Variants in ITGAL observed in about 807,000 individuals in gnomAD.
ITGAL encodes integrin subunit alpha L.
A neutral mutation model predicts 138.4 loss-of-function variants in ITGAL; 68 were observed. The ratio of observed to expected loss-of-function variants is 0.49; its 90% CI spans 0.40 to 0.60. The LOEUF is 0.60. Ranked by LOEUF, ITGAL falls within the 20% of genes least tolerant of loss-of-function variation. ITGAL has a pLI of 0.00. For missense variants in ITGAL, 1,256 were observed against 1,478.6 expected, an observed-to-expected ratio of 0.85 and a Z score of 2.47; for synonymous variants, 561 against 584.3, an observed-to-expected ratio of 0.96 and a Z score of 0.57.
At chr16:30,475,779 A>G (rs1049791639) in intron 4 of ITGAL, among the ~76,000 whole-genome samples, 199 bp downstream of exon 4, 21 of 77,908 alleles carry the variant, frequency 2.7e-4, no homozygotes, top group African/African-American at 9.3e-4. Context: ...GTCTCATTCT[A>G]TTATTCTATT....
intron 17 of ITGAL, 59 bp downstream of exon 17, chr16:30,499,548 C>T (rs1333626738): frequency 4.5e-6 from 7 of 1,554,130 alleles, no homozygotes; most frequent in East Asian, 4.5e-5. Flanking sequence ...GGCTCAGCTC[C>T]GTCACTGTCC....
intron 9 of ITGAL, 45 bp from the exon 10 acceptor site, chr16:30,489,037 A>G (rs763345425): frequency 2.0e-6 from 3 of 1,535,612 alleles, no homozygotes; most frequent in Non-Finnish European, 2.7e-6. Context: ...TTTTCACTGC[A>G]TTTACTGCTG....
chr16:30,518,747 G>A (rs773059453), intron 29 of ITGAL, 28 bp downstream of exon 29: 11 of 1,552,254 alleles, frequency 7.1e-6, no homozygotes, highest in Non-Finnish European at 9.8e-6. Context: ...GAAGCCCCAG[G>A]AACAGGCAAC....
chr16:30,503,953 T>C (rs2151165323), intron 17 of ITGAL: 1 of 427,330 alleles, frequency 2.3e-6, no homozygotes, highest in Admixed American at 3.9e-5. Flanking sequence ...TAGTGATGTC[T>C]GCTGGGGAAC....
In ITGAL at chr16:30,494,190, A is replaced by G. The variant is rs752392577; in HGVS notation, c.1214-22A>G. The G allele has an allele frequency of 1.9e-6, 3 of 1,566,246 alleles. No individual in the cohort carries two copies. Among genetic ancestry groups the G allele is most frequent in the Non-Finnish European group, 2.6e-6 (3 of 1,147,116 alleles). On this transcript the variant is annotated intron_variant, in intron 11 of 30. Coordinates refer to ENST00000356798, the MANE Select transcript of ITGAL (RefSeq NM_002209.3). This position sits in a 1 kb window ranked among gnomAD's most constrained non-coding sequence, Gnocchi z 4.2. The stretch of plus-strand genomic sequence containing the variant: ...TCCAGCATCCTGTGTTCCTAACTCC[A>G]CACCCCACACACTTTCCTCAGGTTA...
intron 11 of ITGAL, among the ~76,000 whole-genome samples, chr16:30,489,713 A>T (rs1258353078): frequency 6.6e-6 from 1 of 152,120 alleles, no homozygotes; most frequent in Non-Finnish European, 1.5e-5. Flanking sequence ...AGGCAGGTGG[A>T]TCACCTGAAG....
chr16:30,484,075 T>TG, intron 8 of ITGAL, 38 bp from the exon 9 acceptor site: 1 of 1,603,980 alleles, frequency 6.2e-7, no homozygotes, highest in Non-Finnish European at 8.5e-7. Flanking sequence ...GACTGAGGTT[T>TG]GGGGGATTTC....
At chr16:30,505,612 T>C in intron 20 of ITGAL, 150 bp downstream of exon 20, 2 of 656,072 alleles carry the variant, frequency 3.0e-6, no homozygotes, top group Non-Finnish European at 5.4e-6. Context: ...ACTCAGGGGC[T>C]CATGCCTATA....
chr16:30,497,127 G>C (rs573060752), intron 15 of ITGAL, among the ~76,000 whole-genome samples: 1 of 152,080 alleles, frequency 6.6e-6, no homozygotes, highest in Non-Finnish European at 1.5e-5. Flanking sequence ...GGCGGATCAC[G>C]AGGTCAGGAG....
intron 25 of ITGAL, among the ~76,000 whole-genome samples, chr16:30,515,908 G>T (rs190498622): frequency 4.7e-4 from 71 of 151,928 alleles, no homozygotes; most frequent in African/African-American, 1.5e-3. Flanking sequence ...GAAGGTGAAG[G>T]TTGCAGCGAG....
At chr16:30,486,745 GA>G (rs1334484219) in intron 9 of ITGAL, among the ~76,000 whole-genome samples, 1 of 152,128 alleles carries the variant, frequency 6.6e-6, no homozygotes, top group East Asian at 1.9e-4. Flanking sequence ...CAGGCCCTCA[GA>G]AAGAGTTTGG....
At chr16:30,513,465 T>C (rs2051119991) in intron 24 of ITGAL, among the ~76,000 whole-genome samples, 1 of 152,098 alleles carries the variant, frequency 6.6e-6, no homozygotes, top group South Asian at 2.1e-4. Flanking sequence ...TACGATTATC[T>C]AGGAGATGAG....
At chr16:30,514,979 C>A (rs1441619487) in intron 25 of ITGAL, among the ~76,000 whole-genome samples, 2 of 151,746 alleles carry the variant, frequency 1.3e-5, no homozygotes, top group Non-Finnish European at 2.9e-5. Context: ...CGCCCACCAC[C>A]ACGCCAGGCT....
chr16:30,474,247 C>T lies in ITGAL; in HGVS notation c.113C>T (p.Pro38Leu), dbSNP rs762431035. 6.2e-7 allele frequency: 1 copy of T among 1,609,158 alleles called. No homozygotes were observed. Among genetic ancestry groups the T allele is most frequent in the Non-Finnish European group, 8.5e-7 (1 of 1,177,930 alleles). ...LDVRGARSFS[P>L]PRAGRHFGYR... ...GTGCGGGGCGCGCGGAGCTTCTCCC[C>T]ACCGCGCGCCGGGAGGCACTTTGGA... Residue 38 changes from proline (P) to leucine (L), a missense_variant, in exon 2 of 31, where the codon CCA becomes CTA. Physicochemically the swap from Pro to Leu is moderately conservative, Grantham distance 98. Around this residue, in one of 3 missense-constraint regions of ITGAL, gnomAD observed 212 missense variants for 217.4 expected, o/e 0.98. Transcript: ENST00000356798.
rs1321822201 is a variant in ITGAL at position 30,499,186 on chromosome 16, A to T, written c.1945A>T (p.Asn649Tyr). The T allele has an allele frequency of 1.2e-6, 2 of 1,614,122 alleles. No individual in the cohort carries two copies. The highest frequency in any genetic ancestry group is 2.2e-5 in the South Asian group (2 of 91,074). ...STSNKMKEGV[N>Y]ITICFQIKSL... Reference sequence around the variant, plus strand: ...CAGTAACAAGATGAAAGAAGGAGTTAATATCACAATCTGTTTCCAGATCAA... The same window carrying T: ...CAGTAACAAGATGAAAGAAGGAGTTTATATCACAATCTGTTTCCAGATCAA... The change falls in exon 16 of 31, where the codon AAT (asparagine) becomes TAT (tyrosine). Residue 649 changes from asparagine to tyrosine, a missense_variant. Transcript: ENST00000356798.
chr16:30,492,351 A>C (rs1026052378), intron 11 of ITGAL, among the ~76,000 whole-genome samples: 4 of 149,180 alleles, frequency 2.7e-5, no homozygotes, highest in African/African-American at 9.9e-5. Context: ...CCCAGGTTCA[A>C]CTGATTCTCT....
At chr16:30,475,705 T>C in intron 4 of ITGAL, 125 bp downstream of exon 4, 1 of 702,554 alleles carries the variant, frequency 1.4e-6, no homozygotes, top group Non-Finnish European at 2.5e-6. Flanking sequence ...AGTCAATTAG[T>C]GTTTATTGAG....
chr16:30,476,967 G>T (rs183328615), intron 4 of ITGAL, among the ~76,000 whole-genome samples: 1 of 152,214 alleles, frequency 6.6e-6, no homozygotes, highest in African/African-American at 2.4e-5. Context: ...AGACACTCCG[G>T]TGAGATAGGG....
chr16:30,489,364 A>G lies in ITGAL; in HGVS notation c.1191A>G (p.Pro397=), dbSNP rs2050692916. 1.9e-6 allele frequency: 3 copies of G among 1,614,216 alleles called. No individual in the cohort carries two copies. Among genetic ancestry groups the G allele is most frequent in the Non-Finnish European group, 2.5e-6 (3 of 1,180,036 alleles). ...DTFIGNEPLT[P]EVRAGYLGYT... ...TTATTGGGAATGAACCATTGACACC[A>G]GAAGTGAGAGCAGGCTATTTGGGTG... The change falls in exon 11 of 31, where the codon CCA becomes CCG. Residue 397 remains proline, a synonymous_variant. Coordinates refer to ENST00000356798, the MANE Select transcript of ITGAL (RefSeq NM_002209.3).
Sources: allele counts gnomAD v4.1 joint callset (sites outside exome capture counted in the v4.1 genomes callset), GRCh38; gene constraint gnomAD v4.1.1; regional missense constraint gnomAD v4.1.1; non-coding constraint Gnocchi (gnomAD v3.1); transcripts MANE v1.5; gene names NCBI Gene and HGNC (gene_info 2026-07-23, HGNC 2026-07-21).